The following DTD1 variants were observed in gnomAD, a reference collection of about 807,000 sequenced individuals.
DTD1 encodes the protein D-tyrosyl-tRNA deacylase 1 homolog.
A neutral mutation model predicts 25.6 loss-of-function variants in DTD1; 13 were observed. That is an observed-to-expected ratio of 0.51 (90% CI 0.33 to 0.81). The LOEUF is 0.81. DTD1 is among the 30% of genes least tolerant of loss of function. The pLI, the probability that DTD1 is intolerant of heterozygous loss-of-function variation, is 0.02. For synonymous variants in DTD1, 110 were observed against 103.6 expected, an observed-to-expected ratio of 1.06 and a Z score of -0.37; for missense variants, 193 against 266.4, an observed-to-expected ratio of 0.72 and a Z score of 1.92.
At chr20:18,722,745 A>G (rs2061209160) in intron 4 of DTD1, among the ~76,000 whole-genome samples, 1 of 152,140 alleles carries the variant, frequency 6.6e-6, no homozygotes. Flanking sequence ...ACTGCAAAAC[A>G]TGGTTTTAAG....
intron 3 of DTD1, among the ~76,000 whole-genome samples, chr20:18,621,752 A>G (rs1354755135): frequency 6.6e-6 from 1 of 152,066 alleles, no homozygotes; most frequent in Non-Finnish European, 1.5e-5. Context: ...CATCTTGGCT[A>G]ATATATTTAC....
At chr20:18,704,415 A>G (rs1333533533) in intron 4 of DTD1, among the ~76,000 whole-genome samples, 2 of 152,124 alleles carry the variant, frequency 1.3e-5, no homozygotes, top group Non-Finnish European at 2.9e-5. Flanking sequence ...GAAAAATGGC[A>G]CAGGAACTCC....
chr20:18,664,527 G>T (rs1014598550), intron 4 of DTD1, among the ~76,000 whole-genome samples: 1 of 152,184 alleles, frequency 6.6e-6, no homozygotes, highest in Non-Finnish European at 1.5e-5. Flanking sequence ...CAGGATTCAA[G>T]ATTCTGCGGT....
At chr20:18,613,970 T>G (rs1242558260) in intron 3 of DTD1, among the ~76,000 whole-genome samples, 1 of 152,216 alleles carries the variant, frequency 6.6e-6, no homozygotes, top group Admixed American at 6.5e-5. Flanking sequence ...CTTTTATATT[T>G]TACATAAAGT....
intron 2 of DTD1, among the ~76,000 whole-genome samples, chr20:18,594,096 C>T (rs1237302159): frequency 6.6e-6 from 1 of 152,120 alleles, no homozygotes; most frequent in East Asian, 1.9e-4. Context: ...TCTCTTAACG[C>T]AAAAACCAAG....
At chr20:18,747,169 C>A (rs1399739107) in intron 5 of DTD1, among the ~76,000 whole-genome samples, 1 of 152,184 alleles carries the variant, frequency 6.6e-6, no homozygotes, top group African/African-American at 2.4e-5. Context: ...CAGAGTGGCC[C>A]TTTAAGATAC....
At chr20:18,661,630 C>G (rs1304754734) in intron 4 of DTD1, among the ~76,000 whole-genome samples, 5 of 152,162 alleles carry the variant, frequency 3.3e-5, no homozygotes, top group African/African-American at 1.2e-4. Context: ...CTTGGCCTCC[C>G]AAAGTGCTGG....
chr20:18,649,408 C>G (rs559511997), intron 4 of DTD1, among the ~76,000 whole-genome samples: 1 of 137,248 alleles, frequency 7.3e-6, no homozygotes, highest in South Asian at 2.4e-4. Flanking sequence ...GCGCGATCTC[C>G]GCTCACTGCA....
chr20:18,703,980 G>A (rs184406163), intron 4 of DTD1, among the ~76,000 whole-genome samples: 45 of 148,956 alleles, frequency 3.0e-4, no homozygotes, highest in Middle Eastern at 7.0e-3. Context: ...ATTAACATAA[G>A]TAATCATAAG....
chr20:18,643,775 GA>G (rs1568656532), intron 4 of DTD1: 1 of 152,162 alleles, frequency 6.6e-6, no homozygotes, highest in Non-Finnish European at 1.5e-5. Flanking sequence ...GTCTCTGGAA[GA>G]ATACAGGCCC....
chr20:18,618,954 C>G (rs1022390114), intron 3 of DTD1, among the ~76,000 whole-genome samples: 2 of 152,132 alleles, frequency 1.3e-5, no homozygotes, highest in Non-Finnish European at 2.9e-5. Context: ...CTCAGGTACT[C>G]CTCCTGCTTT....
At chr20:18,745,368 A>G (rs531029363) in intron 5 of DTD1, among the ~76,000 whole-genome samples, 5 of 152,324 alleles carry the variant, frequency 3.3e-5, no homozygotes, top group African/African-American at 9.6e-5. Flanking sequence ...TATTTTGCCA[A>G]GCACTGGACC....
intron 1 of DTD1, among the ~76,000 whole-genome samples, chr20:18,592,103 G>A (rs184474491): frequency 6.6e-6 from 1 of 152,270 alleles, no homozygotes; most frequent in East Asian, 1.9e-4. Flanking sequence ...CTTTAGCAGT[G>A]TATTGTAACA....
At chr20:18,684,166 A>G (rs1198273214) in intron 4 of DTD1, among the ~76,000 whole-genome samples, 1 of 152,140 alleles carries the variant, frequency 6.6e-6, no homozygotes, top group Admixed American at 6.5e-5. Flanking sequence ...CCTGTCTGGA[A>G]AGATCCACCA....
At chr20:18,656,434 C>G (rs908492187) in intron 4 of DTD1, among the ~76,000 whole-genome samples, 1 of 152,190 alleles carries the variant, frequency 6.6e-6, no homozygotes, top group Admixed American at 6.5e-5. Flanking sequence ...TCTGTTGACT[C>G]AGGAATCCAG....
intron 3 of DTD1, among the ~76,000 whole-genome samples, chr20:18,602,393 G>A (rs1370122553): frequency 1.1e-4 from 1 of 8,914 alleles, no homozygotes; most frequent in South Asian, 3.6e-3. Flanking sequence ...AGCAAGGCAG[G>A]CCAACGTTCA....
chr20:18,735,275 T>G (rs1286672301), intron 4 of DTD1, among the ~76,000 whole-genome samples: 1 of 152,258 alleles, frequency 6.6e-6, no homozygotes, highest in African/African-American at 2.4e-5. Flanking sequence ...AGCATTAAAG[T>G]AACTCAAAGA....
chr20:18,755,296 G>C (rs570548762), intron 5 of DTD1, among the ~76,000 whole-genome samples: 1 of 152,218 alleles, frequency 6.6e-6, no homozygotes, highest in South Asian at 2.1e-4. Flanking sequence ...TATACTTTAA[G>C]TTTTAGGTCC....
chr20:18,594,548 T>A (rs1206447964), intron 2 of DTD1, among the ~76,000 whole-genome samples: 1 of 152,168 alleles, frequency 6.6e-6, no homozygotes, highest in Non-Finnish European at 1.5e-5. Context: ...CCTCCTCCCC[T>A]CCATTACCAC....
Sources: gnomAD v4.1 joint callset for allele counts (sites outside exome capture counted in the v4.1 genomes callset) on GRCh38, gnomAD v4.1.1 for gene constraint, MANE v1.5 for transcripts, NCBI Gene and HGNC (gene_info 2026-07-23, HGNC 2026-07-21) for gene names.